The following USP3 variants were observed in gnomAD, a reference collection of about 807,000 sequenced individuals.
USP3 encodes the protein ubiquitin specific peptidase 3.
A neutral mutation model predicts 72.3 loss-of-function variants in USP3; 20 were observed. The observed-to-expected ratio is 0.28, with a 90% CI of 0.19 to 0.40. The LOEUF (loss-of-function observed/expected upper bound fraction) is 0.40, where lower values mean the gene tolerates loss of function less well. Ranked by LOEUF, USP3 falls within the 10% of genes least tolerant of loss-of-function variation. The pLI is 1.00. For synonymous variants in USP3, 222 were observed against 225.3 expected, an observed-to-expected ratio of 0.99 and a Z score of 0.13; for missense variants, 479 against 633.9, an observed-to-expected ratio of 0.76 and a Z score of 2.62.
In USP3 at chr15:63,594,403, AGTGG is replaced by A; in HGVS notation, c.*3581_*3584del. On this transcript the variant is annotated 3_prime_UTR_variant, in exon 15 of 15. Coordinates refer to ENST00000380324, the MANE Select transcript of USP3 (RefSeq NM_006537.4). ...TAGTCCAAGGTCTCTGCGTCTCGTC[AGTGG>A]GTGCAGTGCCTTCCCCCTCAGGTGT... 3 of 152,368 alleles carry A rather than the reference AGTGG, an allele frequency of 2.0e-5. 1 individual carries two copies. In the South Asian group the frequency reaches 6.2e-4, roughly 32 times the overall value. 9.4% of individuals were successfully genotyped at this position (152,368 alleles called of 1,614,324 possible). A position where few individuals can be genotyped will look rare whatever the true frequency, so the allele number is the denominator to read the frequency against.
At chr15:63,538,331 T>G (rs1335006083) in intron 3 of USP3, among the ~76,000 whole-genome samples, 2 of 152,254 alleles carry the variant, frequency 1.3e-5, no homozygotes, top group East Asian at 3.9e-4. Context: ...AGGATCACTT[T>G]GGAGATATTT....
intron 14 of USP3, chr15:63,589,224 A>C (rs2067137404): frequency 1.7e-6 from 1 of 579,420 alleles, no homozygotes; most frequent in African/African-American, 1.9e-5. Flanking sequence ...AGAATGGTTC[A>C]TTTGAACCCA....
Position 63,574,076 on chromosome 15 carries a change from A to G in USP3, c.939A>G (p.Ile313Met). Reference sequence around the variant, plus strand: ...GAGCATCTACTGTTGTCACGGCTATATTCGGAGGCATTCTCCAAAATGAGG... The same window carrying G: ...GAGCATCTACTGTTGTCACGGCTATGTTCGGAGGCATTCTCCAAAATGAGG... Reference protein sequence around the residue: ...INGASTVVTAIFGGILQNEVN... With the variant: ...INGASTVVTAMFGGILQNEVN... The change falls in exon 10 of 15, where the codon ATA becomes ATG. Residue 313 changes from isoleucine to methionine, a missense_variant. Ile to Met is a conservative substitution (Grantham distance 10, BLOSUM62 1). Transcript: ENST00000380324. This position sits in a 1 kb window ranked among gnomAD's most constrained non-coding sequence, Gnocchi z 4.6. 1 of 1,597,964 alleles carries G rather than the reference A, an allele frequency of 6.3e-7. No homozygotes were observed. The highest frequency in any genetic ancestry group is 1.1e-5 in the South Asian group (1 of 87,104).
In USP3 at chr15:63,590,616, G is replaced by A. The variant is rs201360718; in HGVS notation, c.1398-45G>A. 4 of 1,473,778 alleles carry A rather than the reference G, an allele frequency of 2.7e-6. No homozygotes were observed. In the Admixed American group the frequency reaches 9.7e-5, roughly 36 times the overall value. 91.3% of individuals were successfully genotyped at this position (1,473,778 alleles called of 1,614,324 possible). The stretch of plus-strand genomic sequence containing the variant: ...ATTATATAGTTGTACAGGTCTTTTT[G>A]TGATTTCTGAGGTTCTTTTTTCCTT... On this transcript the variant is annotated intron_variant, in intron 14 of 14. Transcript: ENST00000380324.
intron 3 of USP3, among the ~76,000 whole-genome samples, chr15:63,551,617 T>C (rs1267420826): frequency 6.6e-6 from 1 of 152,168 alleles, no homozygotes; most frequent in East Asian, 1.9e-4. Flanking sequence ...ATGACATGTT[T>C]ACCCAGCTGT....
At chr15:63,580,821 C>T (rs967886222) in intron 11 of USP3, among the ~76,000 whole-genome samples, 1 of 151,786 alleles carries the variant, frequency 6.6e-6, no homozygotes, top group East Asian at 1.9e-4. Context: ...CTAGTAGACT[C>T]TTTTTGAGAT....
intron 7 of USP3, among the ~76,000 whole-genome samples, chr15:63,560,337 A>C (rs1025737347): frequency 2.7e-5 from 4 of 149,252 alleles, no homozygotes; most frequent in Non-Finnish European, 5.9e-5. Flanking sequence ...AATCGCTTGA[A>C]CCCAAGAGGC....
rs972331467 is a variant in USP3 at position 63,570,933 on chromosome 15, C to A, written c.908+354C>A. ...TTCATATACCAAAATAATATTTGTT[C>A]ACTAAAAACAAAAGCTTAAAACATT... On this transcript the variant is annotated intron_variant, in intron 9 of 14. Coordinates refer to ENST00000380324, the MANE Select transcript of USP3 (RefSeq NM_006537.4). The surrounding 1 kb of genome is among the most constrained non-coding windows in gnomAD (Gnocchi z 4.4). Among the ~76,000 whole-genome samples, 1 of 152,116 alleles carries A rather than the reference C, an allele frequency of 6.6e-6. No homozygotes were observed. Among genetic ancestry groups the A allele is most frequent in the African/African-American group, 2.4e-5 (1 of 41,422 alleles).
chr15:63,569,715 C>G (rs1470334972), intron 8 of USP3, among the ~76,000 whole-genome samples: 1 of 152,062 alleles, frequency 6.6e-6, no homozygotes, highest in Non-Finnish European at 1.5e-5. Context: ...GCCTTTGTTC[C>G]TGTTCACTGT....
At chr15:63,521,966 A>G (rs1229532369) in intron 1 of USP3, among the ~76,000 whole-genome samples, 1 of 152,122 alleles carries the variant, frequency 6.6e-6, no homozygotes, top group East Asian at 1.9e-4. Flanking sequence ...ATTTGAGACA[A>G]AATCTTGCTT....
intron 11 of USP3, among the ~76,000 whole-genome samples, chr15:63,577,379 C>A (rs1250311236): frequency 6.6e-6 from 1 of 152,236 alleles, no homozygotes; most frequent in Admixed American, 6.5e-5. Context: ...GTAGTCCCAG[C>A]ACTTTGGAAG....
Position 63,548,429 on chromosome 15 carries a change from G to A in USP3, c.285-5286G>A, listed in dbSNP as rs148490769. 3.8e-3 allele frequency among the ~76,000 whole-genome samples: 581 copies of A among 151,986 alleles called. 7 individuals are homozygous for A. Among genetic ancestry groups the A allele is most frequent in the African/African-American group, 0.013 (554 of 41,470 alleles). ...CAGCCTCCGCCTCCTAGGTTCAAGC[G>A]ATTCTCCTGCCTCAGCTTCCCGAGT... On this transcript the variant is annotated intron_variant, in intron 3 of 14. Transcript: ENST00000380324.
intron 14 of USP3, 34 bp from the exon 15 acceptor site, chr15:63,590,627 G>C (rs1055187444): frequency 6.7e-7 from 1 of 1,490,176 alleles, no homozygotes; most frequent in Admixed American, 2.4e-5. Flanking sequence ...TGATTTCTGA[G>C]GTTCTTTTTT....
At chr15:63,538,798 G>A (rs568645045) in intron 3 of USP3, among the ~76,000 whole-genome samples, 16 of 151,888 alleles carry the variant, frequency 1.1e-4, no homozygotes, top group Non-Finnish European at 2.1e-4. Context: ...CGCCTGCCTC[G>A]GCCTCCCAAA....
At chr15:63,581,691 G>C (rs112650246) in intron 11 of USP3, among the ~76,000 whole-genome samples, 408 of 149,670 alleles carry the variant, frequency 2.7e-3, no homozygotes, top group Middle Eastern at 0.019. Context: ...CACTGTGCCC[G>C]GCCCATATGT....
chr15:63,537,881 C>A (rs2066182745), intron 3 of USP3, among the ~76,000 whole-genome samples: 1 of 152,090 alleles, frequency 6.6e-6, no homozygotes, highest in African/African-American at 2.4e-5. Flanking sequence ...GACGGAGTTT[C>A]ACCATGTTGG....
In USP3 at chr15:63,529,375, G is replaced by A. The variant is rs1007850073; in HGVS notation, c.92-3272G>A. ...AAAGTGAACAATTCAGTGGCGTTTAGTACATCCACAATTGTTTTACAAGTA... is the reference window on the plus strand; with the variant it reads ...AAAGTGAACAATTCAGTGGCGTTTAATACATCCACAATTGTTTTACAAGTA... On this transcript the variant is annotated intron_variant, in intron 1 of 14. Coordinates refer to ENST00000380324, the MANE Select transcript of USP3 (RefSeq NM_006537.4). This position sits in a 1 kb window ranked among gnomAD's most constrained non-coding sequence, Gnocchi z 4.2. Among the ~76,000 whole-genome samples the A allele has an allele frequency of 1.3e-5, 2 of 151,956 alleles. No homozygotes were observed. Among genetic ancestry groups the A allele is most frequent in the African/African-American group, 4.8e-5 (2 of 41,370 alleles).
At chr15:63,527,007 G>T (rs182738485) in intron 1 of USP3, among the ~76,000 whole-genome samples, 17 of 152,246 alleles carry the variant, frequency 1.1e-4, no homozygotes, top group African/African-American at 4.1e-4. Context: ...GGATTCTCCC[G>T]CCTCAGCCTC....
intron 7 of USP3, among the ~76,000 whole-genome samples, chr15:63,562,325 G>A (rs548193922): frequency 3.5e-4 from 54 of 152,232 alleles, no homozygotes; most frequent in African/African-American, 5.5e-4. Flanking sequence ...TGCTGGAGCC[G>A]GTCAGTGCAC....
Sources: gnomAD v4.1 joint callset for allele counts (sites outside exome capture counted in the v4.1 genomes callset) on GRCh38, gnomAD v4.1.1 for gene constraint, Gnocchi (gnomAD v3.1) non-coding constraint, MANE v1.5 for transcripts, NCBI Gene and HGNC (gene_info 2026-07-23, HGNC 2026-07-21) for gene names.